ALK: variants seen among roughly 807,000 people sequenced by gnomAD.
The protein encoded by ALK is ALK tyrosine kinase receptor.
ALK carries 74 observed loss-of-function variants against 163.1 expected under a neutral mutation model. The observed-to-expected ratio is 0.45, with a 90% CI of 0.38 to 0.55. The LOEUF (loss-of-function observed/expected upper bound fraction) is 0.55, where lower values mean the gene tolerates loss of function less well. ALK is among the 20% of genes least tolerant of loss of function. ALK has a pLI of 0.00. For missense variants in ALK, 2,063 were observed against 2,105.3 expected (o/e 0.98, Z 0.39); for synonymous variants, 960 against 843.2 (o/e 1.14, Z -2.40).
In ALK at chr2:29,866,011, G is replaced by A. The variant is rs139584878; in HGVS notation, c.667+53982C>T. Among the ~76,000 whole-genome samples, 319 of 152,214 alleles carry A rather than the reference G, an allele frequency of 2.1e-3. 2 individuals are homozygous for A. Among genetic ancestry groups the A allele is most frequent in the African/African-American group, 7.3e-3 (305 of 41,536 alleles). On this transcript the variant is annotated intron_variant, in intron 1 of 28. Coordinates refer to ENST00000389048, the MANE Select transcript of ALK (RefSeq NM_004304.5). ...ATCTAGCCCATGCTTGAAGGGAGTT[G>A]ATTCTTCAGTGTTTTTTGTTTTTGT...
At chr2:29,623,596 G>A (rs1474365957) in intron 3 of ALK, among the ~76,000 whole-genome samples, 1 of 152,196 alleles carries the variant, frequency 6.6e-6, no homozygotes, top group Non-Finnish European at 1.5e-5. Flanking sequence ...GAGAGAGTAA[G>A]TGACTTTCCC....
intron 1 of ALK, among the ~76,000 whole-genome samples, chr2:29,794,072 G>A (rs1363273327): frequency 6.6e-6 from 1 of 152,036 alleles, no homozygotes; most frequent in African/African-American, 2.4e-5. Context: ...CTAGTTTGAT[G>A]GTTTAGTGTA....
intron 3 of ALK, among the ~76,000 whole-genome samples, chr2:29,536,614 A>C (rs963754510): frequency 1.3e-5 from 2 of 152,222 alleles, no homozygotes; most frequent in African/African-American, 4.8e-5. Context: ...TTGCTATAAA[A>C]ATACCTGAAA....
intron 3 of ALK, among the ~76,000 whole-genome samples, chr2:29,623,020 A>T (rs1238974160): frequency 6.6e-6 from 1 of 152,220 alleles, no homozygotes; most frequent in African/African-American, 2.4e-5. Flanking sequence ...GGTTCCTAAC[A>T]ATGTTTATTG....
intron 1 of ALK, chr2:29,892,157 A>G (rs2148425489): frequency 6.6e-6 from 1 of 152,306 alleles, no homozygotes; most frequent in African/African-American, 2.4e-5. Context: ...TGCTGATTGG[A>G]ATGTGTGCAG....
intron 4 of ALK, among the ~76,000 whole-genome samples, chr2:29,431,394 T>C (rs1232960752): frequency 6.6e-6 from 1 of 152,204 alleles, no homozygotes; most frequent in African/African-American, 2.4e-5. Flanking sequence ...ATCAATCCTC[T>C]TGACTCCTGT....
chr2:29,649,441 T>C (rs900353239), intron 3 of ALK, among the ~76,000 whole-genome samples: 5 of 152,120 alleles, frequency 3.3e-5, no homozygotes, highest in Non-Finnish European at 5.9e-5. Flanking sequence ...TTATGAAAAA[T>C]TCAAAGCCAA....
intron 3 of ALK, among the ~76,000 whole-genome samples, chr2:29,629,653 G>GT (rs151048900): frequency 6.6e-6 from 1 of 152,242 alleles, no homozygotes; most frequent in East Asian, 1.9e-4. Context: ...CCACAACAAT[G>GT]TTAATACCAT....
chr2:29,383,765 C>G lies in ALK; in HGVS notation c.1249G>C (p.Val417Leu), dbSNP rs886055931. 25 of 1,614,052 alleles carry G rather than the reference C, an allele frequency of 1.5e-5. No individual in the cohort carries two copies. The highest frequency in any genetic ancestry group is 3.3e-5 in the Admixed American group (2 of 60,008). The change falls in exon 5 of 29, where the codon GTG (valine) becomes CTG (leucine). Residue 417 changes from valine to leucine, a missense_variant. Coordinates refer to ENST00000389048, the MANE Select transcript of ALK (RefSeq NM_004304.5). Reference sequence around the variant, plus strand: ...CAGTTCTTCAGGGCAAAGAAGTCCACTGCAGACAAGCTGCGGTTTCCACTG... The same window carrying G: ...CAGTTCTTCAGGGCAAAGAAGTCCAGTGCAGACAAGCTGCGGTTTCCACTG... ...ISSGNRSLSA[V>L]DFFALKNCSE... is the part of the protein sequence containing the mutation.
intron 1 of ALK, among the ~76,000 whole-genome samples, chr2:29,820,798 G>A (rs1456698364): frequency 2.0e-5 from 3 of 152,228 alleles, no homozygotes; most frequent in African/African-American, 4.8e-5. Flanking sequence ...GTGATGTGAT[G>A]TTGGAGAACC....
intron 8 of ALK, among the ~76,000 whole-genome samples, chr2:29,309,292 A>G (rs921305966): frequency 6.6e-6 from 1 of 152,118 alleles, no homozygotes; most frequent in Admixed American, 6.5e-5. Context: ...ATGTGTTGCA[A>G]TGACCACTAG....
At chr2:29,886,862 A>G (rs1204326217) in intron 1 of ALK, among the ~76,000 whole-genome samples, 2 of 152,212 alleles carry the variant, frequency 1.3e-5, no homozygotes, top group Non-Finnish European at 2.9e-5. Context: ...TTAAATGCCA[A>G]TTTTCAAATT....
chr2:29,831,127 G>A (rs1243435451), intron 1 of ALK, among the ~76,000 whole-genome samples: 24 of 40,864 alleles, frequency 5.9e-4, no homozygotes, highest in African/African-American at 7.7e-4. Flanking sequence ...AAGAAGAAGG[G>A]GAAGAAGGGG....
In ALK at chr2:29,514,055, C is replaced by A. The variant is rs1234136827; in HGVS notation, c.1154+17860G>T. Among the ~76,000 whole-genome samples the A allele has an allele frequency of 7.9e-5, 8 of 100,718 alleles. 2 individuals are homozygous for A. The East Asian group carries it at 2.5e-3, about 32-fold the overall frequency. The allele number at this position is 100,718 out of a possible 152,430, so 66.1% of individuals were successfully genotyped here. A position where few individuals can be genotyped will look rare whatever the true frequency, so the allele number is the denominator to read the frequency against. The stretch of plus-strand genomic sequence containing the variant: ...GAACACTTTTACACTGTTGGTGAGA[C>A]TGTAAACTAGTTCAACCATTGTGGA... On this transcript the variant is annotated intron_variant, in intron 4 of 28. Transcript: ENST00000389048.
chr2:29,233,415 G>C (rs1664273478), intron 14 of ALK, 150 bp downstream of exon 14: 1 of 1,174,226 alleles, frequency 8.5e-7, no homozygotes, highest in Admixed American at 1.8e-5. Flanking sequence ...CAAAATACTA[G>C]GATTACAGGA....
intron 4 of ALK, among the ~76,000 whole-genome samples, chr2:29,415,761 G>A (rs111494469): frequency 4.6e-5 from 7 of 152,170 alleles, no homozygotes; most frequent in Admixed American, 4.6e-4. Context: ...CAATGTGGGC[G>A]GGCATCTCCT....
chr2:29,204,551 T>C (rs1669265856), intron 26 of ALK, among the ~76,000 whole-genome samples: 1 of 152,284 alleles, frequency 6.6e-6, no homozygotes, highest in African/African-American at 2.4e-5. Context: ...TTTCATCACA[T>C]CAGGGGAACA....
chr2:29,913,584 G>A (rs906867541), intron 1 of ALK, among the ~76,000 whole-genome samples: 7 of 152,084 alleles, frequency 4.6e-5, no homozygotes, highest in Non-Finnish European at 8.8e-5. Flanking sequence ...TCACCCACAC[G>A]CCTTATTTTT....
chr2:29,534,100 A>G (rs1673186961), intron 3 of ALK, among the ~76,000 whole-genome samples: 1 of 152,180 alleles, frequency 6.6e-6, no homozygotes, highest in African/African-American at 2.4e-5. Context: ...ACCAGACCAC[A>G]GAGAGCATTG....
Sources: allele counts gnomAD v4.1 joint callset (sites outside exome capture counted in the v4.1 genomes callset), GRCh38; gene constraint gnomAD v4.1.1; transcripts MANE v1.5; gene names NCBI Gene and HGNC (gene_info 2026-07-23, HGNC 2026-07-21).